BCL2L13: variants seen among roughly 807,000 people sequenced by gnomAD.
The protein encoded by BCL2L13 is BCL2 like 13.
BCL2L13 carries 13 observed loss-of-function variants against 25.8 expected under a neutral mutation model. The ratio of observed to expected loss-of-function variants is 0.50; its 90% CI spans 0.33 to 0.80. The LOEUF (loss-of-function observed/expected upper bound fraction) is 0.80, where lower values mean the gene tolerates loss of function less well. BCL2L13 is among the 30% of genes least tolerant of loss of function. The pLI, the probability that BCL2L13 is intolerant of heterozygous loss-of-function variation, is 0.02. For missense variants in BCL2L13, 504 were observed against 574.9 expected (o/e 0.88, Z 1.26); for synonymous variants, 244 against 230.3 (o/e 1.06, Z -0.54).
intron 2 of BCL2L13, among the ~76,000 whole-genome samples, chr22:17,675,733 G>C (rs1049728432): frequency 6.6e-6 from 1 of 152,260 alleles, no homozygotes; most frequent in Non-Finnish European, 1.5e-5. Flanking sequence ...CAGAACATCT[G>C]GTATTCAGGA....
chr22:17,704,372 A>C (rs1387656935), intron 6 of BCL2L13, among the ~76,000 whole-genome samples: 12 of 152,082 alleles, frequency 7.9e-5, no homozygotes, highest in African/African-American at 2.7e-4. Flanking sequence ...GGCATGAGCC[A>C]CTGCACCTGG....
chr22:17,662,657 A>G (rs1371070580), intron 2 of BCL2L13, among the ~76,000 whole-genome samples: 1 of 151,874 alleles, frequency 6.6e-6, no homozygotes, highest in African/African-American at 2.4e-5. Flanking sequence ...CCTCTACAAA[A>G]AATAAAAATA....
intron 2 of BCL2L13, among the ~76,000 whole-genome samples, chr22:17,660,824 C>A (rs1421404420): frequency 2.1e-5 from 3 of 146,186 alleles, no homozygotes; most frequent in Non-Finnish European, 3.1e-5. Context: ...GTCTCGCTCT[C>A]GTCAGGTGGG....
intron 6 of BCL2L13, among the ~76,000 whole-genome samples, chr22:17,722,415 G>GTGTA (rs2061172374): frequency 6.7e-6 from 1 of 150,056 alleles, no homozygotes; most frequent in South Asian, 2.1e-4. Flanking sequence ...GTGTGTGTGT[G>GTGTA]TGTGTATGTA....
At position 17,722,312 on chromosome 22, in the gene BCL2L13, T is replaced by C. The variant is rs188067762; in HGVS notation, c.601-4365T>C. ...GGCACGATCATAGCTCAGTGCAGAC[T>C]CAAACTCCTGGGCTCAAGGGATCAT... On this transcript the variant is annotated intron_variant, in intron 6 of 6. Coordinates refer to ENST00000317582, the MANE Select transcript of BCL2L13 (RefSeq NM_015367.4). Among the ~76,000 whole-genome samples, 46 of 151,786 alleles carry C rather than the reference T, an allele frequency of 3.0e-4. No homozygotes were observed. The East Asian group carries it at 4.7e-3, about 15-fold the overall frequency.
intron 6 of BCL2L13, among the ~76,000 whole-genome samples, chr22:17,722,415 GTGTGTA>G (rs1569017706): frequency 0.018 from 2,692 of 150,146 alleles, 80 homozygotes; most frequent in African/African-American, 0.064. Flanking sequence ...GTGTGTGTGT[GTGTGTA>G]TGTAGAGATG....
intron 6 of BCL2L13, among the ~76,000 whole-genome samples, chr22:17,719,427 T>A (rs2061039368): frequency 6.6e-6 from 1 of 152,056 alleles, no homozygotes; most frequent in African/African-American, 2.4e-5. Context: ...CCTGCTGTAT[T>A]CAAAATAATA....
At chr22:17,652,769 A>C (rs1453471233) in intron 1 of BCL2L13, among the ~76,000 whole-genome samples, 1 of 152,062 alleles carries the variant, frequency 6.6e-6, no homozygotes, top group African/African-American at 2.4e-5. Context: ...ATTGAAAGTG[A>C]AAAAACAGAG....
chr22:17,659,783 ACAG>A (rs66927820), intron 2 of BCL2L13, among the ~76,000 whole-genome samples: 19,429 of 146,278 alleles, frequency 0.13, 3,250 homozygotes, highest in African/African-American at 0.18. Flanking sequence ...ATACTCCACT[ACAG>A]CTTTATATGA....
chr22:17,726,002 A>G (rs1211463784), intron 6 of BCL2L13, among the ~76,000 whole-genome samples: 2 of 152,118 alleles, frequency 1.3e-5, no homozygotes, highest in African/African-American at 4.8e-5. Flanking sequence ...AACCCACCAC[A>G]TGAGGTCAAG....
At chr22:17,640,313 T>C (rs552066754) in intron 1 of BCL2L13, among the ~76,000 whole-genome samples, 1 of 152,350 alleles carries the variant, frequency 6.6e-6, no homozygotes, top group East Asian at 1.9e-4. Flanking sequence ...TCTGTATTTT[T>C]TTTCCAATGG....
chr22:17,711,138 A>G (rs1020630253), intron 6 of BCL2L13, among the ~76,000 whole-genome samples: 11 of 151,578 alleles, frequency 7.3e-5, no homozygotes, highest in East Asian at 3.9e-4. Flanking sequence ...GGGAGGATCT[A>G]TTGAGCCCAG....
intron 5 of BCL2L13, among the ~76,000 whole-genome samples, chr22:17,701,539 G>C (rs1194957083): frequency 6.6e-6 from 1 of 152,156 alleles, no homozygotes; most frequent in Admixed American, 6.6e-5. Context: ...TGATTGGGTA[G>C]TAAGCAATTT....
intron 1 of BCL2L13, among the ~76,000 whole-genome samples, chr22:17,630,747 C>T (rs771790531): frequency 2.0e-5 from 3 of 151,758 alleles, no homozygotes; most frequent in East Asian, 2.0e-4. Context: ...TCTGCCACCA[C>T]GCCCAGCTAA....
chr22:17,719,868 A>ATGC (rs201532763), intron 6 of BCL2L13, among the ~76,000 whole-genome samples: 3,277 of 151,448 alleles, frequency 0.022, 111 homozygotes, highest in African/African-American at 0.076. Flanking sequence ...GTATGGATAC[A>ATGC]TGCTACAACA....
intron 1 of BCL2L13, among the ~76,000 whole-genome samples, chr22:17,640,633 C>G (rs570833217): frequency 1.3e-5 from 2 of 151,512 alleles, no homozygotes; most frequent in Non-Finnish European, 2.9e-5. Context: ...CAGGCAGGAG[C>G]ATTGCTTGAG....
chr22:17,670,283 G>A (rs945873026), intron 2 of BCL2L13, among the ~76,000 whole-genome samples: 1 of 150,906 alleles, frequency 6.6e-6, no homozygotes, highest in East Asian at 2.0e-4. Flanking sequence ...GGATTGGCTT[G>A]TCTATTTCTG....
At chr22:17,695,135 A>G (rs2060225820) in intron 4 of BCL2L13, among the ~76,000 whole-genome samples, 1 of 152,172 alleles carries the variant, frequency 6.6e-6, no homozygotes, top group African/African-American at 2.4e-5. Flanking sequence ...AAGAGACTGG[A>G]TAATTACAGA....
At chr22:17,708,983 A>G (rs902278996) in intron 6 of BCL2L13, among the ~76,000 whole-genome samples, 1 of 152,038 alleles carries the variant, frequency 6.6e-6, no homozygotes, top group South Asian at 2.1e-4. Context: ...CGCCTGTAAT[A>G]CCAGCACTTT....
Sources: gnomAD v4.1 joint callset for allele counts (sites outside exome capture counted in the v4.1 genomes callset) on GRCh38, gnomAD v4.1.1 for gene constraint, MANE v1.5 for transcripts, NCBI Gene and HGNC (gene_info 2026-07-23, HGNC 2026-07-21) for gene names.